The following DYNC2H1 variants were observed in gnomAD, a reference collection of about 807,000 sequenced individuals.
DYNC2H1 encodes dynein cytoplasmic 2 heavy chain 1.
DYNC2H1 carries 410 observed loss-of-function variants against 570.0 expected under a neutral mutation model. The ratio of observed to expected loss-of-function variants is 0.72; its 90% CI spans 0.66 to 0.78. DYNC2H1 has a LOEUF of 0.78. Among genes scored for constraint, DYNC2H1 ranks in the 30% least tolerant of loss-of-function variants. DYNC2H1 has a pLI of 0.00. For synonymous variants in DYNC2H1, 1,688 were observed against 1,677.6 expected, an observed-to-expected ratio of 1.01 and a Z score of -0.15; for missense variants, 4,865 against 5,046.4, an observed-to-expected ratio of 0.96 and a Z score of 1.09.
intron 84 of DYNC2H1, among the ~76,000 whole-genome samples, chr11:103,424,120 G>T (rs549536361): frequency 6.6e-6 from 1 of 152,164 alleles, no homozygotes; most frequent in South Asian, 2.1e-4. Context: ...ATGACTGCAT[G>T]GATCCAGAGT....
intron 1 of DYNC2H1, among the ~76,000 whole-genome samples, chr11:103,112,885 A>T (rs1858180990): frequency 6.6e-6 from 1 of 152,208 alleles, no homozygotes; most frequent in African/African-American, 2.4e-5. Context: ...TATTTTAAAC[A>T]AGATTGCTGT....
intron 70 of DYNC2H1, among the ~76,000 whole-genome samples, chr11:103,262,370 G>A (rs976796965): frequency 1.3e-5 from 2 of 152,102 alleles, no homozygotes; most frequent in Non-Finnish European, 2.9e-5. Flanking sequence ...GATATTCCTT[G>A]AGAAGAGCAA....
At chr11:103,159,244 G>A (rs1332982510) in intron 28 of DYNC2H1, among the ~76,000 whole-genome samples, 1 of 152,164 alleles carries the variant, frequency 6.6e-6, no homozygotes, top group Non-Finnish European at 1.5e-5. Flanking sequence ...ACATAAGTAT[G>A]TGGTGCTATA....
intron 75 of DYNC2H1, among the ~76,000 whole-genome samples, chr11:103,288,684 T>TAAAAAAAAAAAAAAGAAAAAAAAAA (rs1866450594): frequency 3.6e-5 from 1 of 27,904 alleles, no homozygotes; most frequent in Non-Finnish European, 6.0e-5. Context: ...CCGTCTCTAC[T>TAAAAAAAAAAAAAAGAAAAAAAAAA]AAAAAAAAAA....
Position 103,319,205 on chromosome 11 carries a change from G to T in DYNC2H1, c.11726-1824G>T, listed in dbSNP as rs780755212. On this transcript the variant is annotated intron_variant, in intron 80 of 88. Coordinates refer to ENST00000375735, the MANE Select transcript of DYNC2H1 (RefSeq NM_001377.3). This position sits in a 1 kb window ranked among gnomAD's most constrained non-coding sequence, Gnocchi z 4.3. ...TTGTAAGACATAGATATATAAATAG[G>T]TATCTTACACCATTATGTTTTGAAT... Among the ~76,000 whole-genome samples the T allele has an allele frequency of 6.6e-6, 1 of 152,160 alleles. No homozygotes were observed. The highest frequency in any genetic ancestry group is 2.4e-5 in the African/African-American group (1 of 41,550).
chr11:103,449,868 G>A lies in DYNC2H1; in HGVS notation c.12457-5318G>A, dbSNP rs1944540066. Among the ~76,000 whole-genome samples the A allele has an allele frequency of 2.0e-5, 3 of 152,016 alleles. No homozygotes were observed. The South Asian group carries it at 6.2e-4, about 31-fold the overall frequency. On this transcript the variant is annotated intron_variant, in intron 85 of 88. Transcript: ENST00000375735. ...TAATTAGGTAGCATTTTTACAAATT[G>A]ATAGGTATTTTAAAGTCACCAATTA...
intron 83 of DYNC2H1, among the ~76,000 whole-genome samples, chr11:103,389,357 A>C (rs531944613): frequency 1.3e-5 from 2 of 152,138 alleles, no homozygotes; most frequent in Non-Finnish European, 2.9e-5. Context: ...ACCCCCTTTA[A>C]CATTTTTTAT....
intron 83 of DYNC2H1, among the ~76,000 whole-genome samples, chr11:103,379,838 T>C: frequency 6.6e-6 from 1 of 152,194 alleles, no homozygotes. Flanking sequence ...CCCTCTCAGT[T>C]GTTACTTATT....
In DYNC2H1 at chr11:103,426,996, G is replaced by A. The variant is rs186805073; in HGVS notation, c.12367-8947G>A. ...ACGGCTCATTTAACATGGTTAGTGT[G>A]CTAAATTGTGGAAATCAAAACTCAA... On this transcript the variant is annotated intron_variant, in intron 84 of 88. Transcript: ENST00000375735. 8.6e-4 allele frequency among the ~76,000 whole-genome samples: 131 copies of A among 152,170 alleles called. 2 individuals carry two copies. The highest frequency in any genetic ancestry group is 2.2e-4 in the Non-Finnish European group (15 of 68,012).
In DYNC2H1 at chr11:103,220,741, G is replaced by A; in HGVS notation, c.9065G>A (p.Arg3022Lys). The A allele has an allele frequency of 1.9e-6, 3 of 1,612,808 alleles. No homozygotes were observed. The highest frequency in any genetic ancestry group is 8.5e-7 in the Non-Finnish European group (1 of 1,179,206). ...VIRDILEGVL[R>K]LMGIFDTSWV... is the part of the protein sequence containing the mutation. ...AGAGATATTCTTGAAGGAGTTTTAAGGTTGATGGGTATCTTTGATACATCT... is the reference window on the plus strand; with the variant it reads ...AGAGATATTCTTGAAGGAGTTTTAAAGTTGATGGGTATCTTTGATACATCT... Residue 3022 changes from arginine to lysine, a missense_variant, in exon 57 of 89, where the codon AGG becomes AAG. Arg to Lys is a conservative substitution (Grantham distance 26). Coordinates refer to ENST00000375735, the MANE Select transcript of DYNC2H1 (RefSeq NM_001377.3).
chr11:103,125,806 G>A (rs576244734), intron 12 of DYNC2H1, among the ~76,000 whole-genome samples: 1 of 152,264 alleles, frequency 6.6e-6, no homozygotes, highest in Admixed American at 6.5e-5. Context: ...ACTGGTTTTG[G>A]CCTTTACTAC....
At chr11:103,327,336 C>CGT (rs372436489) in intron 82 of DYNC2H1, among the ~76,000 whole-genome samples, 11 of 151,884 alleles carry the variant, frequency 7.2e-5, no homozygotes, top group Non-Finnish European at 1.0e-4. Flanking sequence ...CAAATACATA[C>CGT]GTGTGTGTGT....
intron 80 of DYNC2H1, among the ~76,000 whole-genome samples, chr11:103,320,561 A>T (rs1289330550): frequency 6.6e-6 from 1 of 152,230 alleles, no homozygotes; most frequent in East Asian, 1.9e-4. Context: ...TGTTAATCAG[A>T]TTATTTTATA....
chr11:103,181,918 G>A lies in DYNC2H1; in HGVS notation c.6477+32G>A, dbSNP rs372933314. 1.5e-4 allele frequency: 241 copies of A among 1,586,888 alleles called. No homozygotes were observed. The highest frequency in any genetic ancestry group is 1.9e-4 in the Non-Finnish European group (222 of 1,164,706). ...TAACCATAATATTTCATAATTAATC[G>A]AGGTGAGAAGTATGATTAAGAGTGA... On this transcript the variant is annotated intron_variant, in intron 40 of 88. Coordinates refer to ENST00000375735, the MANE Select transcript of DYNC2H1 (RefSeq NM_001377.3). This position sits in a 1 kb window ranked among gnomAD's most constrained non-coding sequence, Gnocchi z 5.0.
intron 85 of DYNC2H1, among the ~76,000 whole-genome samples, chr11:103,453,867 A>T (rs1408345118): frequency 1.3e-5 from 2 of 151,876 alleles, no homozygotes; most frequent in Non-Finnish European, 2.9e-5. Flanking sequence ...AATTTAATAA[A>T]AATTATTTGA....
At chr11:103,375,821 T>C (rs1211520495) in intron 83 of DYNC2H1, among the ~76,000 whole-genome samples, 1 of 152,110 alleles carries the variant, frequency 6.6e-6, no homozygotes, top group Non-Finnish European at 1.5e-5. Flanking sequence ...GAGACTTTGG[T>C]CTTGGACTTT....
intron 82 of DYNC2H1, among the ~76,000 whole-genome samples, chr11:103,332,097 CATA>C (rs1219878925): frequency 6.6e-6 from 1 of 150,900 alleles, no homozygotes; most frequent in Non-Finnish European, 1.5e-5. Flanking sequence ...GATGAAAAAG[CATA>C]ATATGCAAGA....
At chr11:103,179,901 A>G (rs911276260) in intron 39 of DYNC2H1, among the ~76,000 whole-genome samples, 2 of 151,656 alleles carry the variant, frequency 1.3e-5, no homozygotes, top group African/African-American at 4.8e-5. Context: ...CTTTTATTTT[A>G]CTTTTCCAAT....
rs1185630204 is a variant in DYNC2H1 at position 103,199,567 on chromosome 11, C to T, written c.8088+91C>T. On this transcript the variant is annotated intron_variant, in intron 49 of 88. Coordinates refer to ENST00000375735, the MANE Select transcript of DYNC2H1 (RefSeq NM_001377.3). The surrounding 1 kb of genome is among the most constrained non-coding windows in gnomAD (Gnocchi z 4.6). Reference sequence around the variant, plus strand: ...TTTAAAGACCTAAAGGTTTAAAGAACTAAAGTTTTAAAGAACATCTTTAAA... The same window carrying T: ...TTTAAAGACCTAAAGGTTTAAAGAATTAAAGTTTTAAAGAACATCTTTAAA... 12 of 1,255,490 alleles carry T rather than the reference C, an allele frequency of 9.6e-6. No individual in the cohort carries two copies. The highest frequency in any genetic ancestry group is 6.6e-5 in the Admixed American group (2 of 30,098). 77.8% of individuals were successfully genotyped at this position (1,255,490 alleles called of 1,614,324 possible).
Sources: allele counts gnomAD v4.1 joint callset (sites outside exome capture counted in the v4.1 genomes callset), GRCh38; gene constraint gnomAD v4.1.1; non-coding constraint Gnocchi (gnomAD v3.1); transcripts MANE v1.5; gene names NCBI Gene and HGNC (gene_info 2026-07-23, HGNC 2026-07-21).